The following ZNF254 variants were observed in gnomAD, a reference collection of about 807,000 sequenced individuals.
ZNF254 encodes zinc finger protein 254.
A neutral mutation model predicts 12.4 loss-of-function variants in ZNF254; 10 were observed. The ratio of observed to expected loss-of-function variants is 0.80; its 90% CI spans 0.50 to 1.36. The LOEUF (loss-of-function observed/expected upper bound fraction) is 1.36. Ranked by LOEUF, ZNF254 falls within the 40% of genes most tolerant of loss-of-function variation. ZNF254 has a pLI of 0.00. For missense variants in ZNF254, 996 were observed against 763.9 expected, an observed-to-expected ratio of 1.30 and a Z score of -3.58; for synonymous variants, 305 against 253.4, an observed-to-expected ratio of 1.20 and a Z score of -1.93.
rs1568476278 is a variant in ZNF254 at position 24,126,495 on chromosome 19, A to AT, written c.500dup (p.Leu167PhefsTer7). 32 of 1,587,804 alleles carry AT rather than the reference A, an allele frequency of 2.0e-5. No individual in the cohort carries two copies. Among genetic ancestry groups the AT allele is most frequent in the Non-Finnish European group, 2.6e-5 (31 of 1,172,262 alleles). The stretch of plus-strand genomic sequence containing the variant: ...ATAAATATTTGAAAGTCTTCTATAA[A>AT]TTTTTAAATTCAAACAGACCTAAGA... On this transcript the variant is annotated frameshift_variant, in exon 4 of 4. Transcript: ENST00000357002. LOFTEE classifies it low-confidence loss of function (END_TRUNC).
At chr19:24,119,766 C>T (rs531099109) in intron 3 of ZNF254, among the ~76,000 whole-genome samples, 15 of 152,144 alleles carry the variant, frequency 9.9e-5, no homozygotes, top group African/African-American at 3.1e-4. Context: ...CCTGAGATTA[C>T]ATTTCTTTTT....
At chr19:24,058,788 T>G (rs775218733) in intron 2 of ZNF254, among the ~76,000 whole-genome samples, 2 of 152,184 alleles carry the variant, frequency 1.3e-5, no homozygotes, top group Non-Finnish European at 2.9e-5. Flanking sequence ...CCCTAGATTA[T>G]GTTAACTCTC....
chr19:24,106,749 T>C, intron 3 of ZNF254, 106 bp downstream of exon 3: 1 of 1,072,604 alleles, frequency 9.3e-7, no homozygotes, highest in East Asian at 3.2e-5. Context: ...AGGAAATAGT[T>C]TCTGGGAAGC....
intron 3 of ZNF254, among the ~76,000 whole-genome samples, chr19:24,125,591 T>G (rs1191069883): frequency 1.3e-5 from 2 of 152,204 alleles, no homozygotes; most frequent in African/African-American, 4.8e-5. Flanking sequence ...TGCTGGTGAT[T>G]ATGAGAGTTT....
At chr19:24,066,904 A>T (rs1190141265) in intron 2 of ZNF254, 1 of 152,052 alleles carries the variant, frequency 6.6e-6, no homozygotes, top group Non-Finnish European at 1.5e-5. Flanking sequence ...CATCTCCAAA[A>T]AAAATAAAAT....
exon 1 of ZNF254, chr19:24,033,563 C>T: frequency 2.8e-6 from 1 of 353,832 alleles, no homozygotes; most frequent in Non-Finnish European, 5.6e-6. Context: ...GCCCTGTGAT[C>T]TGCAGGTCCG....
At chr19:24,081,032 A>C (rs996735919) in intron 2 of ZNF254, among the ~76,000 whole-genome samples, 6 of 148,994 alleles carry the variant, frequency 4.0e-5, no homozygotes, top group Admixed American at 6.7e-5. Flanking sequence ...AGCTGAGATC[A>C]TGCCACTGCA....
At chr19:24,087,514 G>T (rs1972101638) in intron 1 of ZNF254, among the ~76,000 whole-genome samples, 177 bp downstream of exon 1, 1 of 152,172 alleles carries the variant, frequency 6.6e-6, no homozygotes, top group Non-Finnish European at 1.5e-5. Flanking sequence ...ACCCCCAGGA[G>T]TCCTGTTTCT....
intron 2 of ZNF254, among the ~76,000 whole-genome samples, chr19:24,076,353 G>T (rs1040386727): frequency 1.3e-5 from 2 of 152,202 alleles, no homozygotes; most frequent in Non-Finnish European, 2.9e-5. Context: ...GCTTCAGCCA[G>T]TCCCTCCGTT....
intron 3 of ZNF254, among the ~76,000 whole-genome samples, chr19:24,112,689 G>A (rs907472116): frequency 6.6e-6 from 1 of 151,888 alleles, no homozygotes. Flanking sequence ...TGGATTCCTA[G>A]GTATTTTATT....
chr19:24,065,233 C>G (rs1232048953), intron 2 of ZNF254, among the ~76,000 whole-genome samples: 2 of 152,146 alleles, frequency 1.3e-5, no homozygotes, highest in Non-Finnish European at 2.9e-5. Context: ...GCCCAGGAAC[C>G]AGGTGTTTTG....
chr19:24,077,293 C>T (rs1460953888), intron 2 of ZNF254, among the ~76,000 whole-genome samples: 2 of 152,134 alleles, frequency 1.3e-5, no homozygotes, highest in East Asian at 3.9e-4. Context: ...GACTGTACCC[C>T]AACCACCTTG....
At chr19:24,094,664 C>G (rs1280625859) in intron 1 of ZNF254, among the ~76,000 whole-genome samples, 1 of 152,036 alleles carries the variant, frequency 6.6e-6, no homozygotes, top group Non-Finnish European at 1.5e-5. Flanking sequence ...GTGCCAGTTT[C>G]CAAAGAAGAA....
chr19:24,040,567 C>A (rs1428618940), intron 1 of ZNF254, among the ~76,000 whole-genome samples: 1 of 152,176 alleles, frequency 6.6e-6, no homozygotes, highest in Non-Finnish European at 1.5e-5. Flanking sequence ...GAAGAAATAG[C>A]CTAAGCCATC....
chr19:24,076,542 A>C (rs1971666415), intron 2 of ZNF254, among the ~76,000 whole-genome samples: 2 of 152,190 alleles, frequency 1.3e-5, no homozygotes, highest in African/African-American at 4.8e-5. Flanking sequence ...GTTGCAGCCC[A>C]GTAGGTCTCA....
intron 1 of ZNF254, chr19:24,103,732 CT>C (rs11397560): frequency 7.1e-4 from 104 of 147,156 alleles, no homozygotes; most frequent in Middle Eastern, 3.5e-3. Flanking sequence ...CTTTTTCTTT[CT>C]TTTTTTTTTT....
chr19:24,046,898 T>G (rs1015275889), intron 2 of ZNF254, among the ~76,000 whole-genome samples: 2 of 150,730 alleles, frequency 1.3e-5, no homozygotes, highest in Non-Finnish European at 3.0e-5. Context: ...AGAGTCTTGC[T>G]CTGTTGCCCA....
chr19:24,088,293 G>T (rs1270337617), intron 1 of ZNF254, among the ~76,000 whole-genome samples: 2 of 152,034 alleles, frequency 1.3e-5, no homozygotes, highest in Non-Finnish European at 2.9e-5. Flanking sequence ...GGTTAAGCAA[G>T]AATTTTGTTT....
At chr19:24,077,476 G>A (rs982383548) in intron 2 of ZNF254, among the ~76,000 whole-genome samples, 1 of 152,212 alleles carries the variant, frequency 6.6e-6, no homozygotes, top group Non-Finnish European at 1.5e-5. Flanking sequence ...CCATTGCAGG[G>A]ACTCTGGTTT....
Sources: gnomAD v4.1 joint callset for allele counts (sites outside exome capture counted in the v4.1 genomes callset) on GRCh38, gnomAD v4.1.1 for gene constraint, MANE v1.5 for transcripts, NCBI Gene and HGNC (gene_info 2026-07-23, HGNC 2026-07-21) for gene names.